DTX2: variants seen among roughly 807,000 people sequenced by gnomAD.
DTX2 encodes deltex E3 ubiquitin ligase 2, also known as probable E3 ubiquitin-protein ligase DTX2.
Under a neutral mutation model 55.3 loss-of-function variants are expected in DTX2, and 29 were observed. The observed-to-expected ratio is 0.52, with a 90% confidence interval of 0.39 to 0.71. The LOEUF (loss-of-function observed/expected upper bound fraction) is 0.71, where lower values mean the gene tolerates loss of function less well. Among genes scored for constraint, DTX2 ranks in the 30% least tolerant of loss-of-function variants. DTX2 has a pLI of 0.00. For missense variants in DTX2, 537 were observed against 822.5 expected (o/e 0.65, Z 4.25); for synonymous variants, 276 against 340.4 (o/e 0.81, Z 2.08).
intron 2 of DTX2, among the ~76,000 whole-genome samples, chr7:76,471,452 C>T (rs199765447): frequency 0.068 from 9,991 of 147,900 alleles, 51 homozygotes; most frequent in African/African-American, 0.15. Context: ...TGAGCCACCG[C>T]GCCCAGCCTG....
chr7:76,464,104 C>A, intron 2 of DTX2, among the ~76,000 whole-genome samples: 1 of 151,628 alleles, frequency 6.6e-6, no homozygotes, highest in Non-Finnish European at 1.5e-5. Context: ...GTGATATATA[C>A]TGAGCTGGGA....
At chr7:76,475,589 C>T (rs1275116285) in intron 2 of DTX2, among the ~76,000 whole-genome samples, 1 of 133,362 alleles carries the variant, frequency 7.5e-6, no homozygotes, top group Non-Finnish European at 1.6e-5. Flanking sequence ...TGGGAGGCTG[C>T]AGCAGGAGAA....
intron 2 of DTX2, among the ~76,000 whole-genome samples, chr7:76,468,858 G>A (rs1342366126): frequency 1.5e-4 from 20 of 136,654 alleles, no homozygotes; most frequent in Non-Finnish European, 2.3e-4. Flanking sequence ...CGCCTCCTGG[G>A]TTCAAGTGAT....
chr7:76,476,745 GA>G (rs1808584535), intron 2 of DTX2, among the ~76,000 whole-genome samples: 2 of 151,844 alleles, frequency 1.3e-5, no homozygotes, highest in Admixed American at 1.3e-4. Flanking sequence ...GAACTTTCTA[GA>G]ATTAGATGTA....
intron 5 of DTX2, among the ~76,000 whole-genome samples, 173 bp downstream of exon 5, chr7:76,492,426 G>A (rs556438131): frequency 3.6e-5 from 5 of 139,580 alleles, no homozygotes; most frequent in African/African-American, 1.1e-4. Flanking sequence ...GAGCCCAGGT[G>A]CCCCTCCTTT....
rs1243991426 is a variant in DTX2, at chr7:76,468,447, CA to C, written c.-90+4739del. Reference sequence around the variant, plus strand: ...CCCTCAGCCAAATCTGGCCCACTGCCATTTTTTTTTTTTTTTTTTTTTTTTT... The same window carrying C: ...CCCTCAGCCAAATCTGGCCCACTGCCTTTTTTTTTTTTTTTTTTTTTTTTT... On this transcript the variant is annotated intron_variant, in intron 2 of 10. Coordinates refer to ENST00000430490, the MANE Select transcript of DTX2 (RefSeq NM_001102594.3). Among the ~76,000 whole-genome samples, 721 of 77,572 alleles carry C rather than the reference CA, an allele frequency of 9.3e-3. 11 individuals carry two copies. The highest frequency in any genetic ancestry group is 0.027 in the African/African-American group (551 of 20,500). The allele number at this position is 77,572 out of a possible 152,430, so 50.9% of individuals were successfully genotyped here. A position where few individuals can be genotyped will look rare whatever the true frequency, so the allele number is the denominator to read the frequency against.
chr7:76,469,217 A>G (rs552573699), intron 2 of DTX2, among the ~76,000 whole-genome samples: 4 of 150,878 alleles, frequency 2.7e-5, no homozygotes, highest in African/African-American at 9.8e-5. Context: ...AGCCATAGGG[A>G]GTCATGGTAG....
At chr7:76,483,943 G>C (rs908146387) in intron 4 of DTX2, among the ~76,000 whole-genome samples, 3 of 151,872 alleles carry the variant, frequency 2.0e-5, no homozygotes, top group African/African-American at 7.3e-5. Flanking sequence ...TGTAATCCCA[G>C]CTACTTGGGA....
At chr7:76,481,109 G>A (rs191733394) in intron 3 of DTX2, among the ~76,000 whole-genome samples, 2,075 of 152,394 alleles carry the variant, frequency 0.014, 30 homozygotes, top group East Asian at 0.038. Flanking sequence ...CCACCACTCA[G>A]TGGCTGTGTG....
Position 76,466,690 on chromosome 7 carries a change from C to A in DTX2, c.-90+2981C>A, listed in dbSNP as rs1343932268. 3.3e-5 allele frequency among the ~76,000 whole-genome samples: 5 copies of A among 152,340 alleles called. No individual in the cohort carries two copies. In the East Asian group the frequency reaches 9.7e-4, roughly 29 times the overall value. On this transcript the variant is annotated intron_variant, in intron 2 of 10. Coordinates refer to ENST00000430490, the MANE Select transcript of DTX2 (RefSeq NM_001102594.3). ...CACTGCAACCTCCACCTCCCGGGTTCAAGCTACTCCCGATTCTCCTGCCTC... is the reference window on the plus strand; with the variant it reads ...CACTGCAACCTCCACCTCCCGGGTTAAAGCTACTCCCGATTCTCCTGCCTC...
chr7:76,483,050 C>T lies in DTX2; in HGVS notation c.811C>T (p.Pro271Ser), dbSNP rs1489270564. Reference sequence around the variant, plus strand: ...CACCACCAACGCCTGGGGCGCAGCTCCTCCTTCCCTGGGGAGCCAGCCCCT... The same window carrying T: ...CACCACCAACGCCTGGGGCGCAGCTTCTCCTTCCCTGGGGAGCCAGCCCCT... The part of the protein sequence containing the change: ...LNTTNAWGAA[P>S]PSLGSQPLYR... Residue 271 changes from proline (P) to serine (S), a missense_variant, in exon 4 of 11, where the codon CCT (proline) becomes TCT (serine). Physicochemically the swap from Pro to Ser is moderately conservative, Grantham distance 74 (BLOSUM62 -1). Coordinates refer to ENST00000430490, the MANE Select transcript of DTX2 (RefSeq NM_001102594.3). The T allele has an allele frequency of 1.9e-6, 3 of 1,613,272 alleles. No individual in the cohort carries two copies. The highest frequency in any genetic ancestry group is 2.5e-6 in the Non-Finnish European group (3 of 1,179,748).
At chr7:76,475,392 T>A (rs1808439113) in intron 2 of DTX2, among the ~76,000 whole-genome samples, 1 of 144,714 alleles carries the variant, frequency 6.9e-6, no homozygotes, top group South Asian at 2.2e-4. Flanking sequence ...CAGAAAGAGG[T>A]AAAGAAAGAA....
chr7:76,480,748 C>T lies in DTX2; in HGVS notation c.239C>T (p.Pro80Leu), dbSNP rs1249950783. The change falls in exon 3 of 11, where the codon CCC becomes CTC. Residue 80 changes from proline to leucine, a missense_variant. Pro to Leu is a moderately conservative substitution (Grantham distance 98). This residue lies in a region of DTX2 where 301 missense variants were observed against 396.6 expected (regional missense o/e 0.76). Coordinates refer to ENST00000430490, the MANE Select transcript of DTX2 (RefSeq NM_001102594.3). Reference protein sequence around the residue: ...PSLAPYIIDLPSWTQFRQDTG... With the variant: ...PSLAPYIIDLLSWTQFRQDTG... Reference sequence around the variant, plus strand: ...CTGGCCCCTTACATTATTGACCTCCCCAGCTGGACCCAGTTCCGCCAGGAC... The same window carrying T: ...CTGGCCCCTTACATTATTGACCTCCTCAGCTGGACCCAGTTCCGCCAGGAC... 2 of 1,609,414 alleles carry T rather than the reference C, an allele frequency of 1.2e-6. No homozygotes were observed. The highest frequency in any genetic ancestry group is 8.5e-7 in the Non-Finnish European group (1 of 1,177,328).
At position 76,492,248 on chromosome 7, in the gene DTX2, T is replaced by C. The variant is rs776853130; in HGVS notation, c.1004T>C (p.Leu335Pro). Residue 335 changes from leucine to proline, a missense_variant, in exon 5 of 11, where the codon CTC becomes CCC. This residue lies in a region of DTX2 where 18 missense variants were observed against 65.0 expected (regional missense o/e 0.28). Coordinates refer to ENST00000430490, the MANE Select transcript of DTX2 (RefSeq NM_001102594.3). ...AAGCCCAGCAGAGTCCAGCAGGCGC[T>C]CGCAGGTAGGTGCCTGACCTCGGGC... ...MPKPSRVQQA[L>P]AGMTSVLMSA... 2 of 997,398 alleles carry C rather than the reference T, an allele frequency of 2.0e-6. 1 individual carries two copies. Among genetic ancestry groups the C allele is most frequent in the African/African-American group, 6.6e-5 (2 of 30,426 alleles). The allele number at this position is 997,398 out of a possible 1,614,324, so 61.8% of individuals were successfully genotyped here.
At chr7:76,500,022 G>T in intron 6 of DTX2, 1 of 388,016 alleles carries the variant, frequency 2.6e-6, no homozygotes, top group Non-Finnish European at 5.2e-6. Flanking sequence ...TCATGCCAGG[G>T]TAATGCAAGT....
Position 76,483,002 on chromosome 7 carries a change from GC to G in DTX2, c.766del (p.Arg256GlyfsTer6). ...APYNKPSLSG[A>X]RSAPRLNTTN... ...GTACAACAAACCCTCACTCTCCGGG[GC>G]CCGGTCTGCGCCCAGGCTGAACACC... On this transcript the variant is annotated frameshift_variant, in exon 4 of 11. Transcript: ENST00000430490. LOFTEE classifies it high-confidence loss of function. 2 of 1,613,548 alleles carry G rather than the reference GC, an allele frequency of 1.2e-6. No individual in the cohort carries two copies. Among genetic ancestry groups the G allele is most frequent in the Non-Finnish European group, 1.7e-6 (2 of 1,179,712 alleles).
intron 2 of DTX2, among the ~76,000 whole-genome samples, chr7:76,471,243 A>G (rs996926803): frequency 7.4e-5 from 10 of 135,062 alleles, no homozygotes; most frequent in African/African-American, 2.5e-4. Flanking sequence ...CTCACTGCAA[A>G]CTCCACTTCC....
chr7:76,486,846 G>GGCGGCTGCTGCT (rs1554636852), intron 4 of DTX2, among the ~76,000 whole-genome samples: 3 of 79,904 alleles, frequency 3.8e-5, no homozygotes, highest in East Asian at 5.9e-4. Flanking sequence ...TGTTGTGGTG[G>GGCGGCTGCTGCT]GCTGCTGCTG....
intron 7 of DTX2, chr7:76,502,043 C>T (rs1310379029): frequency 4.9e-5 from 24 of 488,090 alleles, no homozygotes; most frequent in South Asian, 2.9e-4. Context: ...CCTGCCAACA[C>T]GCCCAGCTAA....
Sources: allele counts gnomAD v4.1 joint callset (sites outside exome capture counted in the v4.1 genomes callset), GRCh38; gene constraint gnomAD v4.1.1; regional missense constraint gnomAD v4.1.1; transcripts MANE v1.5; gene names NCBI Gene and HGNC (gene_info 2026-07-23, HGNC 2026-07-21).